KLHDC1: variants seen among roughly 807,000 people sequenced by gnomAD.
KLHDC1 encodes the protein kelch domain-containing protein 1.
Under a neutral mutation model 68.3 loss-of-function variants are expected in KLHDC1, and 53 were observed. That is an observed-to-expected ratio of 0.78 (90% CI 0.62 to 0.98). The LOEUF is 0.98. Ranked by LOEUF, KLHDC1 falls within the 50% of genes least tolerant of loss-of-function variation. The pLI is 0.00. For synonymous variants in KLHDC1, 148 were observed against 159.0 expected, an observed-to-expected ratio of 0.93 and a Z score of 0.52; for missense variants, 470 against 492.3, an observed-to-expected ratio of 0.95 and a Z score of 0.43.
intron 10 of KLHDC1, among the ~76,000 whole-genome samples, chr14:49,735,791 A>T (rs1308054825): frequency 1.3e-5 from 2 of 152,110 alleles, no homozygotes; most frequent in African/African-American, 2.4e-5. Context: ...CAGGAGGATC[A>T]CTTGAGTCCA....
chr14:49,703,798 T>G (rs776456458), intron 1 of KLHDC1, among the ~76,000 whole-genome samples: 2 of 152,246 alleles, frequency 1.3e-5, no homozygotes, highest in African/African-American at 2.4e-5. Flanking sequence ...CTAGATCCAT[T>G]CATTTGATGT....
At position 49,697,059 on chromosome 14, in the gene KLHDC1, C is replaced by T. The variant is rs529213795; in HGVS notation, c.96+3769C>T. Among the ~76,000 whole-genome samples the T allele has an allele frequency of 4.2e-4, 64 of 152,270 alleles. 1 individual carries two copies. The South Asian group carries it at 0.013, about 31-fold the overall frequency. On this transcript the variant is annotated intron_variant, in intron 1 of 12. Coordinates refer to ENST00000359332, the MANE Select transcript of KLHDC1 (RefSeq NM_172193.3). Reference sequence around the variant, plus strand: ...TCACACCATTCTCCTGCTTCAGCCTCCCGAGAAGCTGGGACTACAGGCGTG... The same window carrying T: ...TCACACCATTCTCCTGCTTCAGCCTTCCGAGAAGCTGGGACTACAGGCGTG...
At chr14:49,750,645 A>T (rs1199521263) in intron 12 of KLHDC1, among the ~76,000 whole-genome samples, 7 of 152,250 alleles carry the variant, frequency 4.6e-5, no homozygotes, top group Admixed American at 4.6e-4. Context: ...AAAAATTTTT[A>T]ACACTTATTT....
chr14:49,734,326 A>C (rs1470049189), intron 9 of KLHDC1, among the ~76,000 whole-genome samples: 1 of 152,166 alleles, frequency 6.6e-6, no homozygotes, highest in Non-Finnish European at 1.5e-5. Context: ...GAGATCTAGG[A>C]TTTCATTTAG....
intron 10 of KLHDC1, among the ~76,000 whole-genome samples, chr14:49,737,312 T>A (rs1325832280): frequency 6.6e-6 from 1 of 152,170 alleles, no homozygotes; most frequent in Admixed American, 6.5e-5. Flanking sequence ...AATGACTTAG[T>A]TCCATTTTGG....
rs547930666 is a variant in KLHDC1 at position 49,727,163 on chromosome 14, G to T, written c.567+1394G>T. Among the ~76,000 whole-genome samples the T allele has an allele frequency of 2.6e-5, 4 of 152,180 alleles. No homozygotes were observed. In the South Asian group the frequency reaches 8.3e-4, roughly 32 times the overall value. ...CTCGGGAGGCTGAGGCAGGAGAATT[G>T]CTTGAACCTGGGAGGCGGAGGTTGC... On this transcript the variant is annotated intron_variant, in intron 6 of 12. Coordinates refer to ENST00000359332, the MANE Select transcript of KLHDC1 (RefSeq NM_172193.3).
At chr14:49,716,272 G>T (rs1888374482) in intron 4 of KLHDC1, among the ~76,000 whole-genome samples, 1 of 151,964 alleles carries the variant, frequency 6.6e-6, no homozygotes, top group Admixed American at 6.6e-5. Context: ...AGTATTTTTG[G>T]ACCTTTAAAG....
rs145249800 is a variant in KLHDC1 at position 49,740,202 on chromosome 14, A to G, written c.981+20A>G. On this transcript the variant is annotated intron_variant, in intron 11 of 12. Coordinates refer to ENST00000359332, the MANE Select transcript of KLHDC1 (RefSeq NM_172193.3). ...GATACAGTAAGAAAATCTTATATCTAAATATTTCCTCTGAGTAGTTGTGTT... is the reference window on the plus strand; with the variant it reads ...GATACAGTAAGAAAATCTTATATCTGAATATTTCCTCTGAGTAGTTGTGTT... 1.3e-3 allele frequency: 1,906 copies of G among 1,417,236 alleles called. 11 individuals carry two copies. In the African/African-American group the frequency reaches 0.015, roughly 11 times the overall value. 87.8% of individuals were successfully genotyped at this position (1,417,236 alleles called of 1,614,324 possible).
At chr14:49,747,581 A>G (rs1260048422) in intron 12 of KLHDC1, among the ~76,000 whole-genome samples, 1 of 152,210 alleles carries the variant, frequency 6.6e-6, no homozygotes, top group Admixed American at 6.5e-5. Flanking sequence ...ATGGATATAT[A>G]GATAGAAAAC....
Position 49,743,789 on chromosome 14 carries a change from C to A in KLHDC1, c.1018C>A (p.Pro340Thr). ...TGATTTATTGATCTTTCAAACACAG[C>A]CTTATTCACTACTCAGGTAAGCAAA... The part of the protein sequence containing the change: ...CNDLLIFQTQ[P>T]YSLLRSCLDC... The change falls in exon 12 of 13, where the codon CCT becomes ACT. Residue 340 changes from proline (P) to threonine (T), a missense_variant. Transcript: ENST00000359332. The A allele has an allele frequency of 6.3e-7, 1 of 1,581,566 alleles. No individual in the cohort carries two copies. Among genetic ancestry groups the A allele is most frequent in the Non-Finnish European group, 8.7e-7 (1 of 1,154,228 alleles).
intron 4 of KLHDC1, among the ~76,000 whole-genome samples, chr14:49,720,201 A>T (rs552142836): frequency 3.9e-5 from 6 of 152,048 alleles, no homozygotes; most frequent in African/African-American, 1.4e-4. Context: ...GGTCGGGCTC[A>T]TCTCAAACTC....
At position 49,719,988 on chromosome 14, in the gene KLHDC1, ATT is replaced by A. The variant is rs71441254; in HGVS notation, c.405-3871_405-3870del. ...AAGTGCATGCCACCACACCAAGCTC[ATT>A]TTTTTTTTTTTTTTGAGACAGTGTC... On this transcript the variant is annotated intron_variant, in intron 4 of 12. Transcript: ENST00000359332. 8.2e-3 allele frequency among the ~76,000 whole-genome samples: 1,067 copies of A among 130,626 alleles called. 7 individuals carry two copies. The highest frequency in any genetic ancestry group is 0.021 in the African/African-American group (781 of 36,338). 85.7% of individuals were successfully genotyped at this position (130,626 alleles called of 152,430 possible). A position where few individuals can be genotyped will look rare whatever the true frequency, so the allele number is the denominator to read the frequency against.
intron 1 of KLHDC1, among the ~76,000 whole-genome samples, chr14:49,702,442 C>T (rs941982219): frequency 1.3e-5 from 2 of 152,164 alleles, no homozygotes; most frequent in South Asian, 4.1e-4. Context: ...TGTGTTTTCT[C>T]TTTAACCTAA....
Position 49,707,297 on chromosome 14 carries a change from T to TGAGA in KLHDC1, c.97-1843_97-1840dup, listed in dbSNP as rs762892306. ...ATGTGTGTGTGTGTGTGTGTGTGTG[T>TGAGA]GAGAGAGAGAGAGAGAGAGAGACAT... On this transcript the variant is annotated intron_variant, in intron 1 of 12. Transcript: ENST00000359332. 2.8e-3 allele frequency among the ~76,000 whole-genome samples: 341 copies of TGAGA among 120,842 alleles called. 1 individual carries two copies. The highest frequency in any genetic ancestry group is 7.2e-3 in the African/African-American group (232 of 32,046). 79.3% of individuals were successfully genotyped at this position (120,842 alleles called of 152,430 possible).
intron 9 of KLHDC1, 40 bp downstream of exon 9, chr14:49,732,856 T>G (rs185834747): frequency 1.0e-6 from 1 of 971,262 alleles, no homozygotes; most frequent in African/African-American, 1.6e-5. Flanking sequence ...ATTATCTCAT[T>G]CTTTTTTCTT....
At chr14:49,742,631 C>T (rs886668633) in intron 11 of KLHDC1, among the ~76,000 whole-genome samples, 1 of 147,230 alleles carries the variant, frequency 6.8e-6, no homozygotes, top group Non-Finnish European at 1.5e-5. Flanking sequence ...CGAGATCGCA[C>T]CACCGCACTC....
intron 1 of KLHDC1, 49 bp downstream of exon 1, chr14:49,693,339 G>A (rs1467610436): frequency 2.3e-6 from 3 of 1,291,522 alleles, no homozygotes; most frequent in Non-Finnish European, 3.0e-6. Flanking sequence ...GAGACCCTCG[G>A]CCTGAGCGGA....
At chr14:49,732,096 GT>G (rs1888823091) in intron 8 of KLHDC1, among the ~76,000 whole-genome samples, 1 of 151,780 alleles carries the variant, frequency 6.6e-6, no homozygotes, top group African/African-American at 2.4e-5. Context: ...AAAAAATTGT[GT>G]TGAAAAACTA....
chr14:49,738,203 T>G (rs905679516), intron 10 of KLHDC1, among the ~76,000 whole-genome samples: 1 of 152,016 alleles, frequency 6.6e-6, no homozygotes, highest in Admixed American at 6.6e-5. Context: ...AATGTGATAT[T>G]GGAAATAGAC....
Sources: gnomAD v4.1 joint callset for allele counts (sites outside exome capture counted in the v4.1 genomes callset) on GRCh38, gnomAD v4.1.1 for gene constraint, MANE v1.5 for transcripts, NCBI Gene and HGNC (gene_info 2026-07-23, HGNC 2026-07-21) for gene names.